FMN1: variants seen among roughly 807,000 people sequenced by gnomAD.
FMN1 encodes formin-1.
A neutral mutation model predicts 132.4 loss-of-function variants in FMN1; 110 were observed. The ratio of observed to expected loss-of-function variants is 0.83; its 90% CI spans 0.71 to 0.97. The LOEUF (loss-of-function observed/expected upper bound fraction) is 0.97. Among genes scored for constraint, FMN1 ranks in the 50% least tolerant of loss-of-function variants. The pLI, the probability that FMN1 is intolerant of heterozygous loss-of-function variation, is 0.00. For synonymous variants in FMN1, 722 were observed against 651.7 expected, an observed-to-expected ratio of 1.11 and a Z score of -1.64; for missense variants, 1,792 against 1,705.3, an observed-to-expected ratio of 1.05 and a Z score of -0.90.
In FMN1 at chr15:32,988,058, T is replaced by TTTG. The variant is rs1292530438; in HGVS notation, c.2224-18582_2224-18581insCAA. Among the ~76,000 whole-genome samples, 128 of 150,468 alleles carry TTTG rather than the reference T, an allele frequency of 8.5e-4. 1 individual carries two copies. Among genetic ancestry groups the TTTG allele is most frequent in the Middle Eastern group, 3.4e-3 (1 of 292 alleles). On this transcript the variant is annotated intron_variant, in intron 7 of 20. Transcript: ENST00000616417. ...GCAGCCTGTCTCTCCAGTTTTTTTT[T>TTTG]TTTTTTTTTTTTCTTTTTTTAGGTA...
rs573148838 is a variant in FMN1 at position 33,081,612 on chromosome 15, A to C, written c.2043+7187T>G. On this transcript the variant is annotated intron_variant, in intron 5 of 20. Coordinates refer to ENST00000616417, the MANE Select transcript of FMN1 (RefSeq NM_001277313.2). ...GGAGCTAATCCCCATCCATTAAATG[A>C]ATGTCTTTTGTTCTTAAACTAAAAA... Among the ~76,000 whole-genome samples, 4 of 152,320 alleles carry C rather than the reference A, an allele frequency of 2.6e-5. No homozygotes were observed. In the East Asian group the frequency reaches 7.7e-4, roughly 29 times the overall value.
At chr15:33,047,449 C>A (rs901479416) in intron 6 of FMN1, among the ~76,000 whole-genome samples, 4 of 152,120 alleles carry the variant, frequency 2.6e-5, no homozygotes, top group Non-Finnish European at 5.9e-5. Flanking sequence ...ATAAACAGTG[C>A]TATATTTAAA....
intron 19 of FMN1, among the ~76,000 whole-genome samples, chr15:32,778,710 A>G (rs1182995469): frequency 6.6e-6 from 1 of 152,174 alleles, no homozygotes; most frequent in Non-Finnish European, 1.5e-5. Context: ...TGTTGATGTG[A>G]TTGTAGAATT....
intron 6 of FMN1, among the ~76,000 whole-genome samples, chr15:33,047,040 G>C (rs1433562967): frequency 2.0e-5 from 3 of 152,188 alleles, no homozygotes; most frequent in Non-Finnish European, 2.9e-5. Context: ...TCTCCATTTT[G>C]TTTTATGTCC....
chr15:32,953,545 T>A (rs1175788783), intron 9 of FMN1, among the ~76,000 whole-genome samples: 1 of 152,164 alleles, frequency 6.6e-6, no homozygotes, highest in Middle Eastern at 3.2e-3. Context: ...CAGGTCTAAA[T>A]GAAATGAAGC....
At chr15:33,059,668 AT>A (rs2037393980) in intron 6 of FMN1, among the ~76,000 whole-genome samples, 1 of 152,252 alleles carries the variant, frequency 6.6e-6, no homozygotes, top group Non-Finnish European at 1.5e-5. Flanking sequence ...CACATAATTT[AT>A]CAACAGAGTA....
intron 4 of FMN1, among the ~76,000 whole-genome samples, chr15:33,138,010 A>T (rs1963846692): frequency 6.6e-6 from 1 of 152,208 alleles, no homozygotes; most frequent in Admixed American, 6.5e-5. Context: ...ACTATTGTGT[A>T]GATTATGGTT....
At chr15:33,037,744 T>C (rs2036252440) in intron 6 of FMN1, among the ~76,000 whole-genome samples, 1 of 152,312 alleles carries the variant, frequency 6.6e-6, no homozygotes, top group African/African-American at 2.4e-5. Context: ...TCACAGGTGA[T>C]TCGGATACAG....
At chr15:32,828,031 G>A (rs1279987222) in intron 17 of FMN1, among the ~76,000 whole-genome samples, 1 of 152,202 alleles carries the variant, frequency 6.6e-6, no homozygotes, top group Non-Finnish European at 1.5e-5. Context: ...GGTGGCTCAT[G>A]CCTGTAATCC....
Position 32,953,824 on chromosome 15 carries a change from C to T in FMN1, c.3138+10283G>A, listed in dbSNP as rs181554127. On this transcript the variant is annotated intron_variant, in intron 9 of 20. Transcript: ENST00000616417. ...AACTGCAAAGAGAGAATACTGTATACCGGAAGGTGGGAACATTGTGGTTTG... is the reference window on the plus strand; with the variant it reads ...AACTGCAAAGAGAGAATACTGTATATCGGAAGGTGGGAACATTGTGGTTTG... Among the ~76,000 whole-genome samples the T allele has an allele frequency of 2.6e-5, 4 of 152,284 alleles. No homozygotes were observed. The East Asian group carries it at 7.7e-4, about 29-fold the overall frequency.
rs1374407262 is a variant in FMN1 at position 32,768,998 on chromosome 15, C to T, written c.*5312G>A. The T allele has an allele frequency of 1.1e-5, 1 of 88,130 alleles. No homozygotes were observed. Among genetic ancestry groups the T allele is most frequent in the Non-Finnish European group, 2.9e-5 (1 of 34,938 alleles). 5.5% of individuals were successfully genotyped at this position (88,130 alleles called of 1,614,324 possible). On this transcript the variant is annotated 3_prime_UTR_variant, in exon 21 of 21. Coordinates refer to ENST00000616417, the MANE Select transcript of FMN1 (RefSeq NM_001277313.2). The stretch of plus-strand genomic sequence containing the variant: ...TAAGAGAGAAAAGGTCTTCTATGGC[C>T]CTGGTTATCACCATAGTTAGGAGAA...
intron 7 of FMN1, among the ~76,000 whole-genome samples, chr15:33,005,432 C>G (rs889769029): frequency 6.6e-6 from 1 of 152,094 alleles, no homozygotes; most frequent in Non-Finnish European, 1.5e-5. Flanking sequence ...TTAATCACAC[C>G]TTAGTCTAAC....
chr15:33,065,541 T>G (rs2037685333), intron 5 of FMN1, among the ~76,000 whole-genome samples: 2 of 152,200 alleles, frequency 1.3e-5, no homozygotes, highest in African/African-American at 4.8e-5. Flanking sequence ...TAATTTCCTT[T>G]TATTCCTATA....
intron 9 of FMN1, among the ~76,000 whole-genome samples, chr15:32,946,365 T>C (rs1167684262): frequency 6.6e-6 from 1 of 152,254 alleles, no homozygotes; most frequent in South Asian, 2.1e-4. Context: ...ACCATGAGCA[T>C]ATGCACCCAG....
At chr15:32,847,273 GGT>G (rs931707422) in intron 17 of FMN1, among the ~76,000 whole-genome samples, 4 of 130,806 alleles carry the variant, frequency 3.1e-5, no homozygotes, top group Admixed American at 7.7e-5. Context: ...AAGATGTAGG[GGT>G]GTGTGTGTGT....
At chr15:32,904,332 G>A (rs2060369757) in intron 12 of FMN1, among the ~76,000 whole-genome samples, 2 of 152,224 alleles carry the variant, frequency 1.3e-5, no homozygotes, top group East Asian at 3.8e-4. Flanking sequence ...GAAGTGAGTA[G>A]AAGGCAGATG....
intron 3 of FMN1, among the ~76,000 whole-genome samples, chr15:33,168,248 A>G (rs1462218586): frequency 1.3e-5 from 2 of 152,226 alleles, no homozygotes; most frequent in Admixed American, 6.5e-5. Context: ...TCAGGGAGAA[A>G]TAATGAATCT....
At chr15:33,015,131 C>T (rs2034964914) in intron 6 of FMN1, among the ~76,000 whole-genome samples, 1 of 152,198 alleles carries the variant, frequency 6.6e-6, no homozygotes, top group Admixed American at 6.5e-5. Flanking sequence ...CGTGTGCTGG[C>T]TCTGCAGAGT....
At chr15:33,083,432 T>C (rs925875912) in intron 5 of FMN1, among the ~76,000 whole-genome samples, 1 of 152,102 alleles carries the variant, frequency 6.6e-6, no homozygotes, top group Non-Finnish European at 1.5e-5. Flanking sequence ...ACCTTGTGAT[T>C]AGGGTTGGCA....
Sources: gnomAD v4.1 joint callset for allele counts (sites outside exome capture counted in the v4.1 genomes callset) on GRCh38, gnomAD v4.1.1 for gene constraint, MANE v1.5 for transcripts, NCBI Gene and HGNC (gene_info 2026-07-23, HGNC 2026-07-21) for gene names.